The following DNAH11 variants were observed in gnomAD, a reference collection of about 807,000 sequenced individuals.
DNAH11 encodes the protein axonemal beta dynein heavy chain 11.
DNAH11 carries 442 observed loss-of-function variants against 526.0 expected under a neutral mutation model. The observed-to-expected ratio is 0.84, with a 90% CI of 0.78 to 0.91. The LOEUF is 0.91. Ranked by LOEUF, DNAH11 falls within the 40% of genes least tolerant of loss-of-function variation. The pLI is 0.00. For missense variants in DNAH11, 6,989 were observed against 5,448.7 expected (o/e 1.28, Z -8.90); for synonymous variants, 2,461 against 1,935.9 (o/e 1.27, Z -7.12).
intron 76 of DNAH11, among the ~76,000 whole-genome samples, chr7:21,887,270 A>G (rs1723326133): frequency 6.6e-6 from 1 of 152,212 alleles, no homozygotes; most frequent in African/African-American, 2.4e-5. Flanking sequence ...GCTCTCAGAG[A>G]GAGTTCTCCA....
chr7:21,609,505 C>T (rs1265325040), intron 20 of DNAH11, among the ~76,000 whole-genome samples: 2 of 152,090 alleles, frequency 1.3e-5, no homozygotes, highest in Admixed American at 6.6e-5. Context: ...CAAGCATGAG[C>T]CACTGTGCCC....
chr7:21,600,808 C>A lies in DNAH11; in HGVS notation c.3133C>A (p.Arg1045=). The change falls in exon 16 of 82, where the codon CGA becomes AGA. Residue 1045 remains arginine, a synonymous_variant. Coordinates refer to ENST00000409508, the MANE Select transcript of DNAH11 (RefSeq NM_001277115.2). ...CCACACTTACCTCTGGGTGGATGAT[C>A]GAGCTGAGTTTATGAAGCATTTTCT... ...ETHTYLWVDD[R]AEFMKHFLLY... The A allele has an allele frequency of 6.2e-7, 1 of 1,613,846 alleles. No individual in the cohort carries two copies. The highest frequency in any genetic ancestry group is 8.5e-7 in the Non-Finnish European group (1 of 1,179,842).
intron 49 of DNAH11, 115 bp downstream of exon 49, chr7:21,742,281 A>G (rs1446440186): frequency 3.2e-6 from 4 of 1,249,196 alleles, no homozygotes; most frequent in Non-Finnish European, 4.3e-6. Flanking sequence ...TAATTTATAA[A>G]GAAAAGAGGT....
At chr7:21,684,028 G>T in intron 32 of DNAH11, 84 bp downstream of exon 32, 5 of 1,317,106 alleles carry the variant, frequency 3.8e-6, no homozygotes, top group East Asian at 2.4e-5. Context: ...AGGAATGAGA[G>T]GAAACGATGA....
At chr7:21,864,688 G>A (rs1421312256) in intron 70 of DNAH11, 31 bp downstream of exon 70, 2 of 1,541,554 alleles carry the variant, frequency 1.3e-6, no homozygotes, top group Admixed American at 2.0e-5. Flanking sequence ...CTCAAATTCT[G>A]GATCTTATTT....
At chr7:21,692,843 C>G (rs1026320187) in intron 35 of DNAH11, among the ~76,000 whole-genome samples, 1 of 152,120 alleles carries the variant, frequency 6.6e-6, no homozygotes, top group Non-Finnish European at 1.5e-5. Flanking sequence ...ATACTGTCAG[C>G]CTTTTTTATT....
Position 21,742,021 on chromosome 7 carries a change from C to G in DNAH11, c.8009C>G (p.Ala2670Gly). The change falls in exon 49 of 82, where the codon GCA (alanine) becomes GGA (glycine). Residue 2670 changes from alanine (A) to glycine (G), a missense_variant. Physicochemically the swap from Ala to Gly is moderately conservative, Grantham distance 60. Coordinates refer to ENST00000409508, the MANE Select transcript of DNAH11 (RefSeq NM_001277115.2). ...QIFSFHFQQQ[A>G]FAPSILRSGP... The stretch of plus-strand genomic sequence containing the variant: ...TTTAGCTTCCATTTCCAACAGCAAG[C>G]ATTTGCTCCATCAATTCTCAGGAGT... 6.2e-7 allele frequency: 1 copy of G among 1,613,942 alleles called. No individual in the cohort carries two copies. Among genetic ancestry groups the G allele is most frequent in the South Asian group, 1.1e-5 (1 of 91,080 alleles).
chr7:21,756,305 A>G (rs1160689586), intron 54 of DNAH11, among the ~76,000 whole-genome samples: 2 of 152,064 alleles, frequency 1.3e-5, no homozygotes, highest in Admixed American at 6.6e-5. Context: ...ATTTGAAATG[A>G]TGTTTATCTC....
intron 63 of DNAH11, among the ~76,000 whole-genome samples, chr7:21,815,402 T>C (rs761644269): frequency 2.0e-4 from 30 of 152,232 alleles, no homozygotes; most frequent in Non-Finnish European, 3.5e-4. Flanking sequence ...ATTTTTAAGA[T>C]AACATTGTAG....
At chr7:21,756,937 A>G (rs1037117182) in intron 54 of DNAH11, among the ~76,000 whole-genome samples, 6 of 152,162 alleles carry the variant, frequency 3.9e-5, no homozygotes, top group East Asian at 3.9e-4. Flanking sequence ...ATTATCTTCA[A>G]TTCATTTTAC....
chr7:21,620,140 A>T (rs1294672145), intron 25 of DNAH11, 62 bp downstream of exon 25: 5 of 1,313,720 alleles, frequency 3.8e-6, no homozygotes, highest in East Asian at 2.6e-5. Context: ...AAATAATTGT[A>T]TATATAGGGT....
chr7:21,814,650 T>C (rs1035607211), intron 63 of DNAH11, among the ~76,000 whole-genome samples: 20 of 151,844 alleles, frequency 1.3e-4, no homozygotes, highest in Admixed American at 5.9e-4. Flanking sequence ...TTTAAAATAA[T>C]GTAATTGTAC....
At chr7:21,881,619 G>A (rs78668815) in intron 75 of DNAH11, among the ~76,000 whole-genome samples, 5,750 of 152,248 alleles carry the variant, frequency 0.038, 367 homozygotes, top group African/African-American at 0.13. Flanking sequence ...AATCCGTTAA[G>A]ACTAGGATAC....
intron 79 of DNAH11, among the ~76,000 whole-genome samples, chr7:21,897,362 C>CAA (rs1784553871): frequency 1.3e-5 from 2 of 152,182 alleles, no homozygotes; most frequent in African/African-American, 2.4e-5. Flanking sequence ...AATATAATAA[C>CAA]ACCCTCAGTT....
In DNAH11 at chr7:21,639,058, C is replaced by G; in HGVS notation, c.4937C>G (p.Pro1646Arg). ...LLDILSKGAQ[P>R]KQVTCHLAKL... ...GACATTCTCTCAAAAGGAGCTCAGCCTAAACAGGTAATATTTTTTTTGAAA... is the reference window on the plus strand; with the variant it reads ...GACATTCTCTCAAAAGGAGCTCAGCGTAAACAGGTAATATTTTTTTTGAAA... The change falls in exon 28 of 82, where the codon CCT becomes CGT. Residue 1646 changes from proline to arginine, a missense_variant. By Grantham distance (103) the Pro-to-Arg change is moderately radical (BLOSUM62 -2). Coordinates refer to ENST00000409508, the MANE Select transcript of DNAH11 (RefSeq NM_001277115.2). The G allele has an allele frequency of 6.2e-7, 1 of 1,609,618 alleles. No individual in the cohort carries two copies. The highest frequency in any genetic ancestry group is 8.5e-7 in the Non-Finnish European group (1 of 1,178,692).
At chr7:21,661,842 G>A (rs1196331319) in intron 30 of DNAH11, among the ~76,000 whole-genome samples, 1 of 151,358 alleles carries the variant, frequency 6.6e-6, no homozygotes, top group African/African-American at 2.4e-5. Flanking sequence ...TTTTTGAGAT[G>A]GAGTTTCGCT....
intron 35 of DNAH11, among the ~76,000 whole-genome samples, chr7:21,691,421 C>T (rs1052717559): frequency 3.3e-5 from 5 of 151,492 alleles, no homozygotes; most frequent in African/African-American, 7.3e-5. Context: ...CCCCTCCTGC[C>T]GCTCTCCTTG....
chr7:21,694,026 C>T (rs60574967), intron 35 of DNAH11, among the ~76,000 whole-genome samples: 5,015 of 152,240 alleles, frequency 0.033, 188 homozygotes, highest in African/African-American at 0.099. Context: ...TCATGAAAAC[C>T]ACCATTCATG....
rs537152319 is a variant in DNAH11, at chr7:21,803,472, A to G, written c.10165+2197A>G. On this transcript the variant is annotated intron_variant, in intron 62 of 81. Coordinates refer to ENST00000409508, the MANE Select transcript of DNAH11 (RefSeq NM_001277115.2). ...ACAGTAGAGAAAGGGAACAATCTGT[A>G]TCAGCTGGGGTTTTCTCCTTTTATG... 4.6e-5 allele frequency among the ~76,000 whole-genome samples: 7 copies of G among 152,312 alleles called. 1 individual carries two copies. The South Asian group carries it at 1.4e-3, about 32-fold the overall frequency.
Sources: gnomAD v4.1 joint callset for allele counts (sites outside exome capture counted in the v4.1 genomes callset) on GRCh38, gnomAD v4.1.1 for gene constraint, MANE v1.5 for transcripts, NCBI Gene and HGNC (gene_info 2026-07-23, HGNC 2026-07-21) for gene names.